Variants in NRG1 observed in about 807,000 individuals in gnomAD.
NRG1 encodes the protein neuregulin 1.
A neutral mutation model predicts 63.8 loss-of-function variants in NRG1; 18 were observed. That is an observed-to-expected ratio of 0.28 (90% CI 0.19 to 0.42). The LOEUF is 0.42. NRG1 is among the 10% of genes least tolerant of loss of function. NRG1 has a pLI of 1.00. For synonymous variants in NRG1, 302 were observed against 301.3 expected, an observed-to-expected ratio of 1.00 and a Z score of -0.02; for missense variants, 762 against 814.7, an observed-to-expected ratio of 0.94 and a Z score of 0.79.
At chr8:32,639,425 A>C (rs1177623371) in intron 5 of NRG1, among the ~76,000 whole-genome samples, 2 of 152,174 alleles carry the variant, frequency 1.3e-5, no homozygotes, top group Admixed American at 1.3e-4. Context: ...AAATAAATAT[A>C]AAAGAGAAAA....
At chr8:32,122,274 G>A (rs903627508) in intron 1 of NRG1, among the ~76,000 whole-genome samples, 1 of 151,986 alleles carries the variant, frequency 6.6e-6, no homozygotes, top group African/African-American at 2.4e-5. Context: ...TAAGCTACTG[G>A]TTCTCAGTAG....
intron 1 of NRG1, among the ~76,000 whole-genome samples, chr8:32,229,871 G>C (rs996054060): frequency 6.6e-6 from 1 of 151,886 alleles, no homozygotes; most frequent in African/African-American, 2.4e-5. Context: ...CTAGAACGCA[G>C]AATGTTTTTG....
chr8:31,957,847 A>C (rs1804707747), intron 1 of NRG1, among the ~76,000 whole-genome samples: 1 of 152,186 alleles, frequency 6.6e-6, no homozygotes, highest in Non-Finnish European at 1.5e-5. Context: ...TTGTAGAGAG[A>C]GAGCGCACTA....
intron 1 of NRG1, among the ~76,000 whole-genome samples, chr8:32,084,072 G>C (rs1487319634): frequency 6.6e-6 from 1 of 152,070 alleles, no homozygotes; most frequent in Non-Finnish European, 1.5e-5. Flanking sequence ...GAAAGAAAAA[G>C]ACATTTTAAA....
intron 1 of NRG1, among the ~76,000 whole-genome samples, chr8:32,449,695 G>A (rs923396807): frequency 6.6e-6 from 1 of 152,188 alleles, no homozygotes; most frequent in Non-Finnish European, 1.5e-5. Context: ...GAAATATACT[G>A]TGGCAATACA....
chr8:31,908,096 A>G (rs2129616773), intron 1 of NRG1, among the ~76,000 whole-genome samples: 2 of 152,316 alleles, frequency 1.3e-5, no homozygotes, highest in Middle Eastern at 3.4e-3. Context: ...AAAAGGCAGC[A>G]AGGAGCTAAT....
At chr8:32,344,380 TTC>T (rs1491062153) in intron 1 of NRG1, among the ~76,000 whole-genome samples, 124 of 81,420 alleles carry the variant, frequency 1.5e-3, no homozygotes, top group South Asian at 4.1e-3. Context: ...CTTTCTTTCT[TTC>T]TCTTTCTTTC....
intron 1 of NRG1, chr8:32,442,774 T>C (rs1438461007): frequency 6.6e-6 from 1 of 152,170 alleles, no homozygotes; most frequent in African/African-American, 2.4e-5. Context: ...ATCAACTGTT[T>C]TTCAGAGTAC....
At chr8:31,802,907 TAAAC>T (rs1306484282) in intron 1 of NRG1, among the ~76,000 whole-genome samples, 2 of 152,186 alleles carry the variant, frequency 1.3e-5, no homozygotes, top group Admixed American at 6.5e-5. Context: ...TAGAAGGAAA[TAAAC>T]AATTTTTAAA....
intron 5 of NRG1, among the ~76,000 whole-genome samples, chr8:32,626,217 T>C (rs1280301683): frequency 6.7e-6 from 1 of 150,010 alleles, no homozygotes; most frequent in Non-Finnish European, 1.5e-5. Context: ...GTGTAATGAT[T>C]GGGGGAGATA....
Position 32,749,898 on chromosome 8 carries a change from G to C in NRG1, c.692-4474G>C, listed in dbSNP as rs1236868881. ...GATCTAGCTCTGCTGTTATATAAAAGCTGGGGTAAGTAGTAGTAGCACATA... is the reference window on the plus strand; with the variant it reads ...GATCTAGCTCTGCTGTTATATAAAACCTGGGGTAAGTAGTAGTAGCACATA... On this transcript the variant is annotated intron_variant, in intron 7 of 11. Transcript: ENST00000356819. 1.5e-5 allele frequency: 5 copies of C among 335,910 alleles called. No homozygotes were observed. The East Asian group carries it at 3.0e-4, about 20-fold the overall frequency. 20.8% of individuals were successfully genotyped at this position (335,910 alleles called of 1,614,324 possible).
intron 1 of NRG1, among the ~76,000 whole-genome samples, chr8:31,908,520 C>T (rs1324458052): frequency 2.0e-5 from 3 of 152,160 alleles, no homozygotes; most frequent in Non-Finnish European, 2.9e-5. Flanking sequence ...TACACACTCA[C>T]ATTTAAAAAA....
Position 31,724,925 on chromosome 8 carries a change from T to G in NRG1, c.37+85494T>G, listed in dbSNP as rs1391447001. 3.9e-5 allele frequency among the ~76,000 whole-genome samples: 6 copies of G among 152,188 alleles called. No individual in the cohort carries two copies. In the South Asian group the frequency reaches 1.2e-3, roughly 32 times the overall value. ...GCTTTTGTGAACCATAGGTCTCTGT[T>G]GCATCTACTCAACTCTGCCATTGTA... On this transcript the variant is annotated intron_variant, in intron 1 of 10. Transcript: ENST00000519301.
chr8:32,324,443 C>T (rs1437229955), intron 1 of NRG1, among the ~76,000 whole-genome samples: 3 of 152,144 alleles, frequency 2.0e-5, no homozygotes, highest in Non-Finnish European at 4.4e-5. Flanking sequence ...GGGAATTCAG[C>T]TTTCCTGCTT....
intron 1 of NRG1, among the ~76,000 whole-genome samples, chr8:32,461,105 A>G (rs1184975299): frequency 6.6e-6 from 1 of 152,124 alleles, no homozygotes; most frequent in African/African-American, 2.4e-5. Flanking sequence ...GTAAAATAGA[A>G]CTTTCTCAAC....
At chr8:32,467,982 C>G (rs1002338081) in intron 1 of NRG1, among the ~76,000 whole-genome samples, 3 of 152,162 alleles carry the variant, frequency 2.0e-5, no homozygotes, top group Non-Finnish European at 4.4e-5. Context: ...AACACAGAAG[C>G]CTCCAGGAAG....
intron 1 of NRG1, among the ~76,000 whole-genome samples, chr8:32,162,472 G>GT (rs1256070262): frequency 6.6e-5 from 10 of 152,026 alleles, no homozygotes; most frequent in Middle Eastern, 6.8e-3. Context: ...TGTAATCATT[G>GT]TTTTTTTCAA....
intron 5 of NRG1, among the ~76,000 whole-genome samples, chr8:32,640,441 GTACTGGGGA>G (rs1436432594): frequency 1.3e-5 from 2 of 152,000 alleles, no homozygotes; most frequent in Non-Finnish European, 2.9e-5. Context: ...CATGCTCTAG[GTACTGGGGA>G]TATAGCAGTG....
In NRG1 at chr8:32,508,457, G is replaced by GT. The variant is rs34925580; in HGVS notation, c.38-87358dup. On this transcript the variant is annotated intron_variant, in intron 1 of 10. Transcript: ENST00000519301. ...AGGTACCTGCCACCATACCCAGCTAGTTTTTTTTTTTTTGTATTTTTAGTA... is the reference window on the plus strand; with the variant it reads ...AGGTACCTGCCACCATACCCAGCTAGTTTTTTTTTTTTTTGTATTTTTAGTA... Among the ~76,000 whole-genome samples the GT allele has an allele frequency of 9.8e-3, 1,409 of 143,794 alleles. 7 individuals are homozygous for GT. Among genetic ancestry groups the GT allele is most frequent in the African/African-American group, 0.026 (1,025 of 39,172 alleles). The allele number at this position is 143,794 out of a possible 152,430, so 94.3% of individuals were successfully genotyped here.
Sources: gnomAD v4.1 joint callset for allele counts (sites outside exome capture counted in the v4.1 genomes callset) on GRCh38, gnomAD v4.1.1 for gene constraint, MANE v1.5 for transcripts, NCBI Gene and HGNC (gene_info 2026-07-23, HGNC 2026-07-21) for gene names.